The following PPARG variants were observed in gnomAD, a reference collection of about 807,000 sequenced individuals.
PPARG encodes peroxisome proliferator-activated receptor gamma.
A neutral mutation model predicts 39.2 loss-of-function variants in PPARG; 17 were observed. The observed-to-expected ratio is 0.43, with a 90% CI of 0.30 to 0.65. The LOEUF is 0.65. PPARG is among the 30% of genes least tolerant of loss of function. The pLI, the probability that PPARG is intolerant of heterozygous loss-of-function variation, is 0.13. For synonymous variants in PPARG, 223 were observed against 215.7 expected (o/e 1.03, Z -0.30); for missense variants, 406 against 585.9 (o/e 0.69, Z 3.17).
chr3:12,338,884 T>C (rs939011514), intron 2 of PPARG, among the ~76,000 whole-genome samples: 1 of 152,242 alleles, frequency 6.6e-6, no homozygotes, highest in Non-Finnish European at 1.5e-5. Context: ...AGGTAGAAAC[T>C]GTGGCACTGA....
At chr3:12,290,356 T>G (rs1373170951) in intron 1 of PPARG, among the ~76,000 whole-genome samples, 1 of 152,084 alleles carries the variant, frequency 6.6e-6, no homozygotes, top group Non-Finnish European at 1.5e-5. Flanking sequence ...GAATATAATT[T>G]CTTTTTAAAA....
chr3:12,370,651 C>G (rs1426455993), intron 2 of PPARG, among the ~76,000 whole-genome samples: 1 of 152,184 alleles, frequency 6.6e-6, no homozygotes, highest in Non-Finnish European at 1.5e-5. Context: ...TTTTTTCTCT[C>G]TTTTGTGTAT....
At chr3:12,433,463 G>T (rs930083978) in intron 7 of PPARG, among the ~76,000 whole-genome samples, 2 of 151,706 alleles carry the variant, frequency 1.3e-5, no homozygotes, top group South Asian at 4.2e-4. Context: ...GCTTGATCCC[G>T]GGAGGCATAG....
intron 1 of PPARG, among the ~76,000 whole-genome samples, chr3:12,303,402 T>A (rs1029819516): frequency 6.6e-6 from 1 of 152,132 alleles, no homozygotes; most frequent in Non-Finnish European, 1.5e-5. Context: ...GGTTTCGCCA[T>A]ATTAGCTAGG....
intron 2 of PPARG, among the ~76,000 whole-genome samples, chr3:12,318,267 G>A (rs2047443930): frequency 6.6e-6 from 1 of 152,092 alleles, no homozygotes; most frequent in Non-Finnish European, 1.5e-5. Context: ...CAGCTTAATA[G>A]CAAAGAAGTT....
At chr3:12,395,671 T>C (rs2050232798) in intron 5 of PPARG, among the ~76,000 whole-genome samples, 1 of 152,232 alleles carries the variant, frequency 6.6e-6, no homozygotes, top group Non-Finnish European at 1.5e-5. Context: ...TTCAGAAATA[T>C]GTTTTTTCCT....
chr3:12,399,837 A>AAAC, intron 5 of PPARG, among the ~76,000 whole-genome samples: 1 of 150,002 alleles, frequency 6.7e-6, no homozygotes, highest in Admixed American at 6.6e-5. Flanking sequence ...AAAAAAAAAA[A>AAAC]AAATTAGCTG....
intron 6 of PPARG, among the ~76,000 whole-genome samples, chr3:12,414,663 C>G (rs1354063138): frequency 6.6e-6 from 1 of 152,004 alleles, no homozygotes; most frequent in East Asian, 1.9e-4. Context: ...TGCTCTGCCC[C>G]CCTTGTATTC....
chr3:12,398,628 A>AAGC (rs1263170035), intron 5 of PPARG, among the ~76,000 whole-genome samples: 1 of 152,174 alleles, frequency 6.6e-6, no homozygotes, highest in Non-Finnish European at 1.5e-5. Flanking sequence ...GAGAGGCACC[A>AAGC]TCAGAGAGAT....
intron 7 of PPARG, among the ~76,000 whole-genome samples, chr3:12,421,220 T>C (rs1211593047): frequency 6.6e-6 from 1 of 152,238 alleles, no homozygotes; most frequent in East Asian, 1.9e-4. Context: ...CTTGTGTTGG[T>C]GGCTGCAACC....
At chr3:12,316,791 G>A (rs920081539) in intron 2 of PPARG, among the ~76,000 whole-genome samples, 2 of 151,730 alleles carry the variant, frequency 1.3e-5, no homozygotes, top group African/African-American at 4.8e-5. Flanking sequence ...AATGGCCTGT[G>A]TACCATAAAT....
intron 4 of PPARG, among the ~76,000 whole-genome samples, chr3:12,382,104 A>G (rs529052393): frequency 6.6e-6 from 1 of 152,270 alleles, no homozygotes; most frequent in African/African-American, 2.4e-5. Flanking sequence ...GTCATCCCTT[A>G]GTAAGTGGCA....
chr3:12,309,270 A>T (rs1043763599), intron 1 of PPARG, among the ~76,000 whole-genome samples: 26 of 152,248 alleles, frequency 1.7e-4, no homozygotes, highest in Admixed American at 1.6e-3. Context: ...TCAAGAATGG[A>T]TGTTGAATTT....
intron 4 of PPARG, among the ~76,000 whole-genome samples, chr3:12,385,740 C>G (rs1304265520): frequency 6.6e-6 from 1 of 152,120 alleles, no homozygotes; most frequent in Admixed American, 6.6e-5. Context: ...ATCCCTACTT[C>G]AGAAAGAGTT....
Position 12,416,777 on chromosome 3 carries a change from T to G in PPARG, c.803T>G (p.Leu268Arg), listed in dbSNP as rs1347367417. 6.2e-7 allele frequency: 1 copy of G among 1,614,094 alleles called. No individual in the cohort carries two copies. The highest frequency in any genetic ancestry group is 1.7e-5 in the Admixed American group (1 of 60,018). Residue 268 changes from leucine (L) to arginine (R), a missense_variant, in exon 7 of 8, where the codon CTG (leucine) becomes CGG (arginine). Leu to Arg is a moderately radical substitution (Grantham distance 102). This residue lies in a region of PPARG where 275 missense variants were observed against 458.0 expected (regional missense o/e 0.60). Coordinates refer to ENST00000651735, the MANE Select transcript of PPARG (RefSeq NM_138711.6). ...DKIKFKHITP[L>R]QEQSKEVAIR... is the part of the protein sequence containing the mutation. ...ATCAAGTTCAAACACATCACCCCCC[T>G]GCAGGAGCAGAGCAAAGAGGTGGCC...
In PPARG at chr3:12,306,208, A is replaced by G. The variant is rs145079856; in HGVS notation, c.-82-6172A>G. 5.3e-3 allele frequency among the ~76,000 whole-genome samples: 800 copies of G among 152,292 alleles called. 6 individuals are homozygous for G. The highest frequency in any genetic ancestry group is 0.018 in the African/African-American group (753 of 41,560). The stretch of plus-strand genomic sequence containing the variant: ...GTTAGATTCTCATAAGAAGCATGCA[A>G]CATAGATCCCTCACATGCACAGTTC... On this transcript the variant is annotated intron_variant, in intron 1 of 7. Transcript: ENST00000651735.
rs548043007 is a variant in PPARG, at chr3:12,417,027, A to C, written c.1053A>C (p.Leu351=). ...EGQGFMTREF[L]KSLRKPFGDF... Reference sequence around the variant, plus strand: ...AAGGCTTCATGACAAGGGAGTTTCTAAAGAGCCTGCGAAAGCCTTTTGGTG... The same window carrying C: ...AAGGCTTCATGACAAGGGAGTTTCTCAAGAGCCTGCGAAAGCCTTTTGGTG... The change falls in exon 7 of 8, where the codon CTA becomes CTC. Residue 351 remains leucine, a synonymous_variant. Transcript: ENST00000651735. The C allele has an allele frequency of 1.2e-6, 2 of 1,613,164 alleles. No individual in the cohort carries two copies. Among genetic ancestry groups the C allele is most frequent in the African/African-American group, 2.7e-5 (2 of 74,816 alleles).
intron 2 of PPARG, chr3:12,371,792 T>G (rs968555527): frequency 1.6e-6 from 1 of 611,616 alleles, no homozygotes; most frequent in African/African-American, 1.8e-5. Flanking sequence ...CTTTGCCTCA[T>G]TTTCTTTATC....
At chr3:12,384,531 C>A (rs993578484) in intron 4 of PPARG, among the ~76,000 whole-genome samples, 3 of 152,052 alleles carry the variant, frequency 2.0e-5, no homozygotes, top group African/African-American at 7.2e-5. Flanking sequence ...CATTATTTAA[C>A]CACATCCTAC....
Sources: allele counts gnomAD v4.1 joint callset (sites outside exome capture counted in the v4.1 genomes callset), GRCh38; gene constraint gnomAD v4.1.1; regional missense constraint gnomAD v4.1.1; transcripts MANE v1.5; gene names NCBI Gene and HGNC (gene_info 2026-07-23, HGNC 2026-07-21).